The following OCA2 variants were observed in gnomAD, a reference collection of about 807,000 sequenced individuals.
OCA2 encodes P protein.
Under a neutral mutation model 100.2 loss-of-function variants are expected in OCA2, and 77 were observed. The observed-to-expected ratio is 0.77, with a 90% CI of 0.64 to 0.93. The LOEUF is 0.93. OCA2 is among the 40% of genes least tolerant of loss of function. The pLI is 0.00. For synonymous variants in OCA2, 432 were observed against 439.2 expected (o/e 0.98, Z 0.21); for missense variants, 1,062 against 1,089.1 (o/e 0.98, Z 0.35).
At chr15:27,751,235 T>C (rs1191674887), downstream of OCA2, among the ~76,000 whole-genome samples, 1 of 152,228 alleles carries the variant, frequency 6.6e-6, no homozygotes, top group Non-Finnish European at 1.5e-5. Context: ...TAAGTCCGCA[T>C]AATAATTGGT....
intron 3 of OCA2, among the ~76,000 whole-genome samples, chr15:28,030,949 C>T (rs1872819692): frequency 6.6e-6 from 1 of 152,124 alleles, no homozygotes; most frequent in African/African-American, 2.4e-5. Context: ...AAAAGACTAC[C>T]GGGCACGAGA....
the OCA2 span, among the ~76,000 whole-genome samples, chr15:27,741,183 C>T: frequency 6.6e-6 from 1 of 152,174 alleles, no homozygotes; most frequent in African/African-American, 2.4e-5. Context: ...ACGACTTCAC[C>T]AACTGGACAC....
intron 2 of OCA2, among the ~76,000 whole-genome samples, chr15:28,060,011 G>A (rs944915698): frequency 3.3e-5 from 5 of 152,240 alleles, no homozygotes; most frequent in Non-Finnish European, 5.9e-5. Flanking sequence ...AAGGCTGTGG[G>A]CGAGCACACG....
chr15:27,909,732 C>T (rs968965924), intron 19 of OCA2, among the ~76,000 whole-genome samples: 3 of 152,072 alleles, frequency 2.0e-5, no homozygotes, highest in African/African-American at 7.2e-5. Context: ...CCATATTTCA[C>T]ACTATATGCA....
chr15:27,865,456 G>A (rs1198961542), intron 21 of OCA2, among the ~76,000 whole-genome samples: 16 of 152,242 alleles, frequency 1.1e-4, no homozygotes, highest in Admixed American at 9.8e-4. Flanking sequence ...AGGCAGCTCT[G>A]CTGACTGGGC....
At position 27,851,471 on chromosome 15, in the gene OCA2, G is replaced by A; in HGVS notation, c.2249C>T (p.Pro750Leu). ...GTCGTGGCTCAGGTTCAGGAGCACG[G>A]GAATCTGTGGAGGAAGAGGACATTG... The part of the protein sequence containing the change: ...DNIPFTATMI[P>L]VLLNLSHDPE... Residue 750 changes from proline to leucine, a missense_variant, in exon 22 of 24, where the codon CCC becomes CTC. By Grantham distance (98) the Pro-to-Leu change is moderately conservative. Transcript: ENST00000354638. 6.2e-7 allele frequency: 1 copy of A among 1,612,756 alleles called. No homozygotes were observed. Among genetic ancestry groups the A allele is most frequent in the Non-Finnish European group, 8.5e-7 (1 of 1,179,412 alleles).
chr15:28,040,378 T>C (rs550921468), intron 2 of OCA2, among the ~76,000 whole-genome samples: 2 of 152,342 alleles, frequency 1.3e-5, no homozygotes, highest in South Asian at 2.1e-4. Context: ...GGGAAATTTA[T>C]AGCTGTAAAT....
At chr15:27,749,978 A>G (rs2030013628), downstream of OCA2, among the ~76,000 whole-genome samples, 1 of 152,230 alleles carries the variant, frequency 6.6e-6, no homozygotes, top group Non-Finnish European at 1.5e-5. Flanking sequence ...AGGCATAAGC[A>G]AGCTTATCCT....
intron 23 of OCA2, among the ~76,000 whole-genome samples, chr15:27,837,918 A>G (rs968183151): frequency 6.6e-6 from 1 of 151,928 alleles, no homozygotes; most frequent in African/African-American, 2.4e-5. Context: ...GCTGTTACAG[A>G]GACTGCTCTC....
chr15:27,946,053 TG>T, intron 18 of OCA2, among the ~76,000 whole-genome samples: 1 of 152,288 alleles, frequency 6.6e-6, no homozygotes, highest in Admixed American at 6.5e-5. Context: ...TCCCACTTTG[TG>T]TAAATATTCA....
At chr15:27,725,206 CCTGT>C in the OCA2 span, among the ~76,000 whole-genome samples, 2 of 152,222 alleles carry the variant, frequency 1.3e-5, no homozygotes, top group Non-Finnish European at 2.9e-5. Flanking sequence ...TTTACTAGTG[CCTGT>C]CTATTGCTTT....
chr15:27,919,620 G>C (rs1400264432), intron 19 of OCA2, among the ~76,000 whole-genome samples: 1 of 152,150 alleles, frequency 6.6e-6, no homozygotes, highest in African/African-American at 2.4e-5. Flanking sequence ...GGCTGGGGGA[G>C]AAGAAGGGAT....
In OCA2 at chr15:28,032,174, CAG is replaced by C; in HGVS notation, c.228-13_228-12del. ...AAAGAAGAGTGAGACCTGAAAGAGA[CAG>C]GGTAGGAAACAGAATCACCAACACA... On this transcript the variant is annotated splice_polypyrimidine_tract_variant and intron_variant, in intron 2 of 23. Transcript: ENST00000354638. The C allele has an allele frequency of 1.3e-6, 2 of 1,587,818 alleles. No homozygotes were observed. The highest frequency in any genetic ancestry group is 1.7e-6 in the Non-Finnish European group (2 of 1,156,146).
the OCA2 span, among the ~76,000 whole-genome samples, chr15:27,723,504 C>T: frequency 1.3e-5 from 2 of 151,848 alleles, no homozygotes; most frequent in African/African-American, 2.4e-5. Flanking sequence ...CTGACCTGAC[C>T]GAGAGACAGA....
At chr15:27,878,965 TA>T (rs1402724373) in intron 19 of OCA2, among the ~76,000 whole-genome samples, 2 of 152,106 alleles carry the variant, frequency 1.3e-5, no homozygotes, top group Admixed American at 6.6e-5. Flanking sequence ...ACGTAGGTAT[TA>T]AGCCCCACAT....
chr15:27,847,492 G>A (rs1160336862), intron 22 of OCA2, among the ~76,000 whole-genome samples: 1 of 152,184 alleles, frequency 6.6e-6, no homozygotes, highest in African/African-American at 2.4e-5. Context: ...TCAGCAAAAT[G>A]AGACAAGCAA....
rs34943192 is a variant in OCA2, at chr15:27,918,089, A to ATTT, written c.2079+8035_2079+8037dup. 5.6e-4 allele frequency among the ~76,000 whole-genome samples: 58 copies of ATTT among 103,194 alleles called. 2 individuals carry two copies. The highest frequency in any genetic ancestry group is 1.3e-3 in the African/African-American group (36 of 28,526). The allele number at this position is 103,194 out of a possible 152,430, so 67.7% of individuals were successfully genotyped here. A position where few individuals can be genotyped will look rare whatever the true frequency, so the allele number is the denominator to read the frequency against. On this transcript the variant is annotated intron_variant, in intron 19 of 23. Transcript: ENST00000354638. ...TAATAATAAGCTCAGCTCCCTCTTG[A>ATTT]TTTTTTTTTTTTTTTTTTTTTTGAG...
intron 2 of OCA2, among the ~76,000 whole-genome samples, chr15:28,057,226 T>C (rs2043729697): frequency 2.0e-5 from 3 of 152,210 alleles, no homozygotes; most frequent in Admixed American, 1.3e-4. Context: ...AAGCACCTTT[T>C]TGAAACTATC....
intron 3 of OCA2, among the ~76,000 whole-genome samples, chr15:28,031,471 A>G (rs1373795791): frequency 1.3e-5 from 2 of 152,252 alleles, no homozygotes; most frequent in Non-Finnish European, 2.9e-5. Flanking sequence ...CCTTCATCCC[A>G]GAAGGAAGCA....
Sources: allele counts gnomAD v4.1 joint callset (sites outside exome capture counted in the v4.1 genomes callset), GRCh38; gene constraint gnomAD v4.1.1; transcripts MANE v1.5; gene names NCBI Gene and HGNC (gene_info 2026-07-23, HGNC 2026-07-21).